CLNK: variants seen among roughly 807,000 people sequenced by gnomAD.
The protein encoded by CLNK is cytokine-dependent hematopoietic cell linker.
Under a neutral mutation model 68.6 loss-of-function variants are expected in CLNK, and 74 were observed. The observed-to-expected ratio is 1.08, with a 90% CI of 0.89 to 1.31. The LOEUF is 1.31. Among genes scored for constraint, CLNK ranks in the 50% most tolerant of loss-of-function variants. CLNK has a pLI of 0.00. For missense variants in CLNK, 553 were observed against 515.3 expected (o/e 1.07, Z -0.71); for synonymous variants, 198 against 172.2 (o/e 1.15, Z -1.17).
intron 8 of CLNK, among the ~76,000 whole-genome samples, chr4:10,550,229 C>T (rs1577122825): frequency 6.6e-6 from 1 of 152,234 alleles, no homozygotes; most frequent in South Asian, 2.1e-4. Flanking sequence ...CGCGGTGGCT[C>T]AAGCCTGTAA....
chr4:10,598,107 TA>T, intron 2 of CLNK, 58 bp from the exon 3 acceptor site: 1 of 1,161,414 alleles, frequency 8.6e-7, no homozygotes, highest in Non-Finnish European at 1.2e-6. Context: ...GGGGAAAAAT[TA>T]ATTAAGTGCA....
intron 7 of CLNK, among the ~76,000 whole-genome samples, chr4:10,558,728 T>G (rs762219750): frequency 6.6e-6 from 1 of 152,154 alleles, no homozygotes; most frequent in Non-Finnish European, 1.5e-5. Context: ...ACACTGAGTA[T>G]ATTATTAACT....
At chr4:10,720,988 CA>C in the CLNK span, among the ~76,000 whole-genome samples, 1 of 152,026 alleles carries the variant, frequency 6.6e-6, no homozygotes, top group African/African-American at 2.4e-5. Context: ...CTCAACAATA[CA>C]AAGGAATGAA....
At chr4:10,734,064 C>T in the CLNK span, among the ~76,000 whole-genome samples, 1 of 152,192 alleles carries the variant, frequency 6.6e-6, no homozygotes, top group African/African-American at 2.4e-5. Flanking sequence ...CAATAAGCAT[C>T]TACTATGTGC....
chr4:10,571,524 C>T (rs558313448), intron 5 of CLNK, among the ~76,000 whole-genome samples: 9 of 151,830 alleles, frequency 5.9e-5, no homozygotes, highest in African/African-American at 1.7e-4. Context: ...TTAGTAGAAA[C>T]GGGGTTTCCT....
At chr4:10,702,771 T>A in the CLNK span, among the ~76,000 whole-genome samples, 1 of 152,194 alleles carries the variant, frequency 6.6e-6, no homozygotes, top group African/African-American at 2.4e-5. Flanking sequence ...TTACCATTTA[T>A]GAAACACCTA....
At chr4:10,492,381 G>C (rs1398386780) in intron 18 of CLNK, among the ~76,000 whole-genome samples, 4 of 152,098 alleles carry the variant, frequency 2.6e-5, no homozygotes, top group Admixed American at 1.3e-4. Context: ...TCCTCTGTCC[G>C]GGGCATCCTA....
intron 8 of CLNK, among the ~76,000 whole-genome samples, chr4:10,554,771 C>A (rs1394033719): frequency 6.6e-6 from 1 of 152,200 alleles, no homozygotes; most frequent in African/African-American, 2.4e-5. Context: ...GATAACCAAT[C>A]TCATCATTAT....
intron 16 of CLNK, among the ~76,000 whole-genome samples, chr4:10,508,890 C>T (rs1174728860): frequency 3.9e-5 from 6 of 152,114 alleles, no homozygotes; most frequent in East Asian, 1.9e-4. Context: ...GGGCGGATCA[C>T]AAGGTCAGGA....
chr4:10,667,798 A>G, intron 2 of CLNK, 61 bp downstream of exon 2: 1 of 1,478,078 alleles, frequency 6.8e-7, no homozygotes, highest in Non-Finnish European at 9.1e-7. Flanking sequence ...CTTCCAGAAA[A>G]CACCTCCTGT....
the CLNK span, among the ~76,000 whole-genome samples, chr4:10,696,952 T>C: frequency 1.3e-5 from 2 of 152,220 alleles, no homozygotes; most frequent in African/African-American, 2.4e-5. Context: ...TGCAGGACTG[T>C]GCATTCTAAA....
At chr4:10,699,223 T>C in the CLNK span, among the ~76,000 whole-genome samples, 4 of 66,072 alleles carry the variant, frequency 6.1e-5, no homozygotes, top group African/African-American at 1.0e-4. Context: ...ACACCACATA[T>C]GTGTGTGTAT....
intron 1 of CLNK, among the ~76,000 whole-genome samples, chr4:10,680,708 A>G (rs1258382401): frequency 6.6e-6 from 1 of 152,162 alleles, no homozygotes; most frequent in African/African-American, 2.4e-5. Flanking sequence ...TCTCACCACA[A>G]ATTCGAGCAG....
the CLNK span, among the ~76,000 whole-genome samples, chr4:10,711,065 G>T: frequency 1.3e-5 from 2 of 152,170 alleles, no homozygotes; most frequent in African/African-American, 2.4e-5. Context: ...CTTAAGGTGT[G>T]GTGGTTCCAG....
the CLNK span, among the ~76,000 whole-genome samples, chr4:10,706,023 T>C: frequency 1.3e-5 from 2 of 152,372 alleles, no homozygotes; most frequent in African/African-American, 2.4e-5. Flanking sequence ...TCAGCAGCTC[T>C]GTCTGAAGAC....
At chr4:10,593,469 A>C (rs1317917830) in intron 3 of CLNK, among the ~76,000 whole-genome samples, 1 of 152,128 alleles carries the variant, frequency 6.6e-6, no homozygotes, top group Non-Finnish European at 1.5e-5. Context: ...AGCCTGGCTA[A>C]TATGGCGAAA....
At chr4:10,519,875 C>T (rs1368492866) in intron 15 of CLNK, among the ~76,000 whole-genome samples, 1 of 151,968 alleles carries the variant, frequency 6.6e-6, no homozygotes, top group Non-Finnish European at 1.5e-5. Flanking sequence ...TGTCAGTTAA[C>T]ATTACTACTT....
chr4:10,661,939 C>G (rs146589598), intron 2 of CLNK, among the ~76,000 whole-genome samples: 1 of 152,124 alleles, frequency 6.6e-6, no homozygotes, highest in African/African-American at 2.4e-5. Context: ...TATACCTCTA[C>G]GAATCTCTCC....
chr4:10,494,608 C>T (rs1716730148), intron 18 of CLNK, among the ~76,000 whole-genome samples: 1 of 152,070 alleles, frequency 6.6e-6, no homozygotes, highest in Non-Finnish European at 1.5e-5. Context: ...CAGGCATGTG[C>T]CATGGCGCGC....
Sources: allele counts gnomAD v4.1 joint callset (sites outside exome capture counted in the v4.1 genomes callset), GRCh38; gene constraint gnomAD v4.1.1; transcripts MANE v1.5; gene names NCBI Gene and HGNC (gene_info 2026-07-23, HGNC 2026-07-21).